The following SEPTIN2 variants were observed in gnomAD, a reference collection of about 807,000 sequenced individuals.
SEPTIN2 encodes the protein septin-2.
A neutral mutation model predicts 46.5 loss-of-function variants in SEPTIN2; 34 were observed. The observed-to-expected ratio is 0.73, with a 90% CI of 0.56 to 0.97. The LOEUF (loss-of-function observed/expected upper bound fraction) is 0.97. SEPTIN2 is among the 50% of genes least tolerant of loss of function. The pLI is 0.00. For missense variants in SEPTIN2, 347 were observed against 448.4 expected, an observed-to-expected ratio of 0.77 and a Z score of 2.04; for synonymous variants, 175 against 153.4, an observed-to-expected ratio of 1.14 and a Z score of -1.04.
chr2:241,338,618 T>A (rs928600473), intron 7 of SEPTIN2, among the ~76,000 whole-genome samples: 18 of 131,914 alleles, frequency 1.4e-4, no homozygotes, highest in Non-Finnish European at 2.8e-4. Flanking sequence ...ATATATATAA[T>A]ATATAATTAA....
chr2:241,317,543 T>C (rs2076539671), intron 1 of SEPTIN2: 1 of 984,978 alleles, frequency 1.0e-6, no homozygotes, highest in African/African-American at 1.7e-5. Flanking sequence ...GTATTTTTTT[T>C]TTTTTTTTTG....
intron 1 of SEPTIN2, chr2:241,316,659 A>G (rs1262431329): frequency 2.6e-6 from 2 of 777,526 alleles, no homozygotes; most frequent in Non-Finnish European, 3.8e-6. Context: ...TGGAGTCCCA[A>G]CTGTGACCTG....
chr2:241,317,617 G>C, intron 1 of SEPTIN2: 1 of 949,686 alleles, frequency 1.1e-6, no homozygotes, highest in Non-Finnish European at 1.2e-6. Flanking sequence ...CATTTGTATT[G>C]TCTGTTCTGT....
chr2:241,330,444 T>TC lies in SEPTIN2; in HGVS notation c.130+4331_130+4332insC, dbSNP rs2078810705. Among the ~76,000 whole-genome samples, 6 of 152,338 alleles carry TC rather than the reference T, an allele frequency of 3.9e-5. No homozygotes were observed. In the South Asian group the frequency reaches 1.2e-3, roughly 32 times the overall value. On this transcript the variant is annotated intron_variant, in intron 3 of 12. Transcript: ENST00000391971. ...GAGGGTTGCAGCTTGTGTGCTTTTGTGTAGCTGTGGAGGGAGGGTTTTCTA... is the reference window on the plus strand; with the variant it reads ...GAGGGTTGCAGCTTGTGTGCTTTTGTCGTAGCTGTGGAGGGAGGGTTTTCTA...
chr2:241,347,639 TAAG>T (rs2060380880), intron 10 of SEPTIN2, among the ~76,000 whole-genome samples: 2 of 152,212 alleles, frequency 1.3e-5, no homozygotes, highest in South Asian at 4.1e-4. Flanking sequence ...AAGCTTAGAG[TAAG>T]AAAAGTCTCT....
At chr2:241,343,165 T>G in intron 8 of SEPTIN2, 72 bp downstream of exon 8, 7 of 865,084 alleles carry the variant, frequency 8.1e-6, no homozygotes, top group Non-Finnish European at 9.6e-6. Context: ...GTGAGAGAGA[T>G]TGCCTGGGTA....
chr2:241,346,020 A>T (rs2060201081), intron 9 of SEPTIN2, 146 bp from the exon 10 acceptor site: 2 of 582,520 alleles, frequency 3.4e-6, no homozygotes, highest in Middle Eastern at 4.7e-4. Flanking sequence ...CATACTCATT[A>T]TCCTGAAATC....
At chr2:241,338,459 G>A (rs2080402454) in intron 7 of SEPTIN2, among the ~76,000 whole-genome samples, 1 of 150,574 alleles carries the variant, frequency 6.6e-6, no homozygotes. Flanking sequence ...TGAACATACC[G>A]ATCTGTGCGT....
At chr2:241,316,765 A>G (rs938147509) in intron 1 of SEPTIN2, 1 of 419,996 alleles carries the variant, frequency 2.4e-6, no homozygotes, top group African/African-American at 2.1e-5. Flanking sequence ...ACGGAAACAC[A>G]CGAACCAACT....
intron 3 of SEPTIN2, among the ~76,000 whole-genome samples, chr2:241,329,980 C>A (rs1266553612): frequency 6.6e-6 from 1 of 152,184 alleles, no homozygotes. Flanking sequence ...TCATTACGGC[C>A]AGCAGATATT....
intron 1 of SEPTIN2, 35 bp from the exon 2 acceptor site, chr2:241,324,181 C>T (rs763383927): frequency 5.6e-6 from 9 of 1,601,040 alleles, no homozygotes; most frequent in African/African-American, 2.7e-5. Flanking sequence ...TATGTATGTG[C>T]GTTTATGTGT....
chr2:241,350,209 C>A lies in SEPTIN2; in HGVS notation c.*29+6C>A. On this transcript the variant is annotated splice_donor_region_variant and intron_variant, in intron 12 of 12. Coordinates refer to ENST00000391971, the MANE Select transcript of SEPTIN2 (RefSeq NM_004404.5). ...CACATATCAAGAAGTCAGAGGTAGG[C>A]CCTGTTGTCCCTTAGCCTGGAAGAC... 2 of 1,517,012 alleles carry A rather than the reference C, an allele frequency of 1.3e-6. No individual in the cohort carries two copies. Among genetic ancestry groups the A allele is most frequent in the Non-Finnish European group, 1.8e-6 (2 of 1,115,298 alleles). 94.0% of individuals were successfully genotyped at this position (1,517,012 alleles called of 1,614,324 possible).
At chr2:241,316,417 C>A in intron 1 of SEPTIN2, 1 of 1,123,622 alleles carries the variant, frequency 8.9e-7, no homozygotes, top group Non-Finnish European at 1.2e-6. Flanking sequence ...CATTTCCTCC[C>A]TGAGGCGTGG....
chr2:241,348,185 A>G lies in SEPTIN2; in HGVS notation c.978A>G (p.Glu326=). 6.2e-7 allele frequency: 1 copy of G among 1,612,596 alleles called. No homozygotes were observed. ...MNKDQILLEK[E]AELRRMQEMI... ...AAGACCAGATCTTGCTGGAAAAAGA[A>G]GCTGAGGTAAGTAGGAAAGTACTAT... The change falls in exon 11 of 13, where the codon GAA becomes GAG. Residue 326 remains glutamate, a synonymous_variant. Transcript: ENST00000391971.
At chr2:241,341,108 G>GT (rs1258081405) in intron 7 of SEPTIN2, among the ~76,000 whole-genome samples, 1 of 152,158 alleles carries the variant, frequency 6.6e-6, no homozygotes, top group Non-Finnish European at 1.5e-5. Context: ...TCTATCTGCT[G>GT]TTTTTTACCA....
intron 7 of SEPTIN2, among the ~76,000 whole-genome samples, chr2:241,342,528 T>C (rs997649885): frequency 6.7e-6 from 1 of 148,188 alleles, no homozygotes; most frequent in Non-Finnish European, 1.5e-5. Context: ...TCTAGCAGTT[T>C]TGTAAATTTT....
chr2:241,331,633 C>T (rs1306832261), intron 3 of SEPTIN2, among the ~76,000 whole-genome samples: 1 of 152,210 alleles, frequency 6.6e-6, no homozygotes, highest in Non-Finnish European at 1.5e-5. Flanking sequence ...TGAAGTGATC[C>T]ACCCTTCTCA....
rs558055350 is a variant in SEPTIN2, at chr2:241,329,370, C to T, written c.130+3257C>T. ...GTCTCGATCTCCTGACTTCGTGATC[C>T]GCCCGCCTCGGCCTCTCAAAGCGCT... On this transcript the variant is annotated intron_variant, in intron 3 of 12. Coordinates refer to ENST00000391971, the MANE Select transcript of SEPTIN2 (RefSeq NM_004404.5). Among the ~76,000 whole-genome samples, 11 of 152,138 alleles carry T rather than the reference C, an allele frequency of 7.2e-5. No homozygotes were observed. The South Asian group carries it at 2.3e-3, about 32-fold the overall frequency.
intron 7 of SEPTIN2, among the ~76,000 whole-genome samples, chr2:241,338,726 A>T (rs1281019941): frequency 8.6e-6 from 1 of 116,496 alleles, no homozygotes; most frequent in Non-Finnish European, 1.6e-5. Flanking sequence ...ATAATATATT[A>T]TATATATTAT....
Sources: allele counts gnomAD v4.1 joint callset (sites outside exome capture counted in the v4.1 genomes callset), GRCh38; gene constraint gnomAD v4.1.1; transcripts MANE v1.5; gene names NCBI Gene and HGNC (gene_info 2026-07-23, HGNC 2026-07-21).